The following KLHL1 variants were observed in gnomAD, a reference collection of about 807,000 sequenced individuals.
KLHL1 encodes the protein kelch-like protein 1.
Under a neutral mutation model 77.7 loss-of-function variants are expected in KLHL1, and 47 were observed. The ratio of observed to expected loss-of-function variants is 0.60; its 90% CI spans 0.48 to 0.77. The LOEUF is 0.77. Among genes scored for constraint, KLHL1 ranks in the 30% least tolerant of loss-of-function variants. KLHL1 has a pLI of 0.00. For synonymous variants in KLHL1, 360 were observed against 325.2 expected, an observed-to-expected ratio of 1.11 and a Z score of -1.15; for missense variants, 925 against 910.8, an observed-to-expected ratio of 1.02 and a Z score of -0.20.
At chr13:69,732,368 G>A (rs1399092504) in intron 8 of KLHL1, among the ~76,000 whole-genome samples, 2 of 152,128 alleles carry the variant, frequency 1.3e-5, no homozygotes, top group African/African-American at 2.4e-5. Flanking sequence ...AGTTGAGATC[G>A]TTAAAATGAA....
In KLHL1 at chr13:69,784,834, C is replaced by A. The variant is rs1437864802; in HGVS notation, c.1639+11904G>T. ...TGAACTCAGCTCTGCACCAAGCGGA[C>A]CTAATAGACATCTACAGAACTCTCC... On this transcript the variant is annotated intron_variant, in intron 7 of 10. Transcript: ENST00000377844. Among the ~76,000 whole-genome samples the A allele has an allele frequency of 2.7e-5, 4 of 149,740 alleles. No individual in the cohort carries two copies. The East Asian group carries it at 7.8e-4, about 29-fold the overall frequency.
Position 69,811,262 on chromosome 13 carries a change from C to CA in KLHL1, c.1415-14301dup, listed in dbSNP as rs1877867535. ...GCAAATCTGAATCCAGCACCAGACC[C>CA]AAAAGTTAATTCATCACAATTAAGT... On this transcript the variant is annotated intron_variant, in intron 6 of 10. Transcript: ENST00000377844. Among the ~76,000 whole-genome samples, 4 of 152,066 alleles carry CA rather than the reference C, an allele frequency of 2.6e-5. No individual in the cohort carries two copies. The South Asian group carries it at 8.3e-4, about 32-fold the overall frequency.
intron 7 of KLHL1, among the ~76,000 whole-genome samples, chr13:69,783,270 C>A (rs1052989097): frequency 3.3e-5 from 5 of 152,162 alleles, no homozygotes; most frequent in African/African-American, 1.2e-4. Flanking sequence ...CAGAGCACCT[C>A]TCCTCCTCCA....
intron 1 of KLHL1, among the ~76,000 whole-genome samples, chr13:70,094,514 A>G (rs1361863650): frequency 1.6e-4 from 24 of 151,838 alleles, no homozygotes; most frequent in Admixed American, 1.6e-3. Context: ...AGTCTCACGT[A>G]GACTAAAATA....
At chr13:69,726,783 G>A (rs550707259) in intron 8 of KLHL1, among the ~76,000 whole-genome samples, 6 of 152,084 alleles carry the variant, frequency 3.9e-5, no homozygotes, top group South Asian at 2.1e-4. Flanking sequence ...CCAACTCTAC[G>A]CGTTTTATAA....
At chr13:69,759,090 T>TC (rs1258713932) in intron 7 of KLHL1, among the ~76,000 whole-genome samples, 1 of 148,654 alleles carries the variant, frequency 6.7e-6, no homozygotes, top group East Asian at 2.0e-4. Flanking sequence ...AGAGAACACC[T>TC]CCCAGCAGGG....
At chr13:69,833,872 C>G (rs1325398196) in intron 6 of KLHL1, among the ~76,000 whole-genome samples, 1 of 151,564 alleles carries the variant, frequency 6.6e-6, no homozygotes, top group East Asian at 1.9e-4. Flanking sequence ...CACACACACA[C>G]ACACACATAT....
chr13:69,837,967 T>C (rs35203493), intron 6 of KLHL1, among the ~76,000 whole-genome samples: 19,739 of 151,504 alleles, frequency 0.13, 1,471 homozygotes, highest in African/African-American at 0.17. Flanking sequence ...AAATAAATCT[T>C]ATTTCTTTAG....
At chr13:69,907,976 G>C (rs1882097037) in intron 4 of KLHL1, among the ~76,000 whole-genome samples, 1 of 151,982 alleles carries the variant, frequency 6.6e-6, no homozygotes, top group African/African-American at 2.4e-5. Context: ...TTACCATGTA[G>C]ATAGTGAAGC....
chr13:70,105,930 T>G (rs1888044187), intron 1 of KLHL1, among the ~76,000 whole-genome samples: 1 of 150,752 alleles, frequency 6.6e-6, no homozygotes, highest in South Asian at 2.1e-4. Context: ...TACATTATAG[T>G]ACATGTCTTA....
chr13:70,054,750 T>C (rs1281871654), intron 1 of KLHL1, among the ~76,000 whole-genome samples: 3 of 150,396 alleles, frequency 2.0e-5, no homozygotes, highest in African/African-American at 7.3e-5. Context: ...CAAACAGAAA[T>C]TCTGGAGCTG....
chr13:69,795,992 T>C (rs969380597), intron 7 of KLHL1, among the ~76,000 whole-genome samples: 1 of 152,188 alleles, frequency 6.6e-6, no homozygotes, highest in African/African-American at 2.4e-5. Context: ...ACATTAACTA[T>C]TTTTCCCTCT....
At chr13:70,024,486 CTGCTT>C (rs1386849983) in intron 1 of KLHL1, among the ~76,000 whole-genome samples, 1 of 151,816 alleles carries the variant, frequency 6.6e-6, no homozygotes, top group African/African-American at 2.4e-5. Flanking sequence ...CCCCCTTGCT[CTGCTT>C]TGCTTTGCTT....
intron 2 of KLHL1, among the ~76,000 whole-genome samples, chr13:69,969,907 T>G (rs1009465773): frequency 1.4e-5 from 2 of 142,834 alleles, no homozygotes; most frequent in African/African-American, 5.2e-5. Context: ...TTGAGGTCAC[T>G]ACAAATTTAT....
At chr13:69,782,902 G>A (rs572561020) in intron 7 of KLHL1, among the ~76,000 whole-genome samples, 1 of 152,336 alleles carries the variant, frequency 6.6e-6, no homozygotes, top group East Asian at 1.9e-4. Context: ...CTAACTGGGA[G>A]GCACCCCCAA....
At chr13:70,081,975 C>T (rs975287145) in intron 1 of KLHL1, among the ~76,000 whole-genome samples, 30 of 152,092 alleles carry the variant, frequency 2.0e-4, no homozygotes, top group African/African-American at 6.8e-4. Flanking sequence ...TGGATTGGAT[C>T]ATGGGGACGC....
At chr13:69,850,961 G>A (rs3012106) in intron 5 of KLHL1, among the ~76,000 whole-genome samples, 141,721 of 151,638 alleles carry the variant, frequency 0.93, 66,456 homozygotes, top group East Asian at 0.99. Context: ...TCTAAATAGC[G>A]TTTGAAGGTT....
intron 1 of KLHL1, among the ~76,000 whole-genome samples, chr13:70,085,131 G>A (rs1046400180): frequency 2.6e-5 from 4 of 152,132 alleles, no homozygotes; most frequent in Non-Finnish European, 5.9e-5. Context: ...GTATGTGCAT[G>A]TATGTATGAA....
At chr13:69,975,972 A>C (rs1418153997) in intron 1 of KLHL1, among the ~76,000 whole-genome samples, 170 bp from the exon 2 acceptor site, 1 of 152,122 alleles carries the variant, frequency 6.6e-6, no homozygotes, top group Non-Finnish European at 1.5e-5. Context: ...CGAATAATCT[A>C]TTGTGGGATA....
Sources: gnomAD v4.1 joint callset for allele counts (sites outside exome capture counted in the v4.1 genomes callset) on GRCh38, gnomAD v4.1.1 for gene constraint, MANE v1.5 for transcripts, NCBI Gene and HGNC (gene_info 2026-07-23, HGNC 2026-07-21) for gene names.